PLCE1: variants seen among roughly 807,000 people sequenced by gnomAD.
PLCE1 encodes the protein 1-phosphatidylinositol 4,5-bisphosphate phosphodiesterase epsilon-1.
A neutral mutation model predicts 242.8 loss-of-function variants in PLCE1; 119 were observed. That is an observed-to-expected ratio of 0.49 (90% CI 0.42 to 0.57). The LOEUF is 0.57. Ranked by LOEUF, PLCE1 falls within the 20% of genes least tolerant of loss-of-function variation. The probability of loss-of-function intolerance (pLI) is 0.00; values close to 1 mark genes in which losing one functional copy is unlikely to be tolerated. For synonymous variants in PLCE1, 945 were observed against 1,017.4 expected (o/e 0.93, Z 1.35); for missense variants, 2,441 against 2,788.8 (o/e 0.88, Z 2.81).
At chr10:94,066,373 G>A (rs1177290787) in intron 2 of PLCE1, among the ~76,000 whole-genome samples, 2 of 152,090 alleles carry the variant, frequency 1.3e-5, no homozygotes, top group African/African-American at 4.8e-5. Flanking sequence ...AATATTTGTG[G>A]CTGTTGGAAT....
At chr10:94,038,455 A>G (rs1388296835) in intron 2 of PLCE1, among the ~76,000 whole-genome samples, 1 of 152,174 alleles carries the variant, frequency 6.6e-6, no homozygotes, top group African/African-American at 2.4e-5. Context: ...TAGGTCTTCT[A>G]GAGCTCAGGC....
At chr10:94,049,942 T>C (rs1296102202) in intron 2 of PLCE1, among the ~76,000 whole-genome samples, 2 of 152,224 alleles carry the variant, frequency 1.3e-5, no homozygotes, top group African/African-American at 2.4e-5. Context: ...GATGTAGTTA[T>C]AGTTTGTACA....
At chr10:94,011,873 C>A (rs570532101) in intron 1 of PLCE1, among the ~76,000 whole-genome samples, 1 of 152,046 alleles carries the variant, frequency 6.6e-6, no homozygotes, top group Non-Finnish European at 1.5e-5. Flanking sequence ...CTCTGGTTTT[C>A]CGCCTTTCAT....
intron 2 of PLCE1, among the ~76,000 whole-genome samples, chr10:94,095,535 T>A (rs1200164330): frequency 1.3e-5 from 2 of 152,000 alleles, no homozygotes; most frequent in Non-Finnish European, 2.9e-5. Context: ...TTTTGTAATT[T>A]TTGTAGAAAT....
rs2048068316 is a variant in PLCE1, at chr10:94,174,397, AG to A, written c.1809+2903del. ...AGAATACTACAGTAATAACTGTTGC[AG>A]GCAAGAACTACTGATGAATTCTAAA... On this transcript the variant is annotated intron_variant, in intron 4 of 32. Coordinates refer to ENST00000371380, the MANE Select transcript of PLCE1 (RefSeq NM_016341.4). Among the ~76,000 whole-genome samples the A allele has an allele frequency of 2.0e-5, 3 of 152,214 alleles. No homozygotes were observed. In the South Asian group the frequency reaches 6.2e-4, roughly 32 times the overall value.
At chr10:94,215,018 A>G (rs2049472319) in intron 4 of PLCE1, among the ~76,000 whole-genome samples, 1 of 152,008 alleles carries the variant, frequency 6.6e-6, no homozygotes, top group South Asian at 2.1e-4. Context: ...CCACACTCTC[A>G]CCCTCTGCTG....
At chr10:94,240,417 A>G (rs979657043) in intron 7 of PLCE1, among the ~76,000 whole-genome samples, 1 of 152,174 alleles carries the variant, frequency 6.6e-6, no homozygotes, top group Non-Finnish European at 1.5e-5. Flanking sequence ...CTACTCACAT[A>G]TAATAAGAGA....
At chr10:94,305,461 T>C (rs761108504) in intron 25 of PLCE1, among the ~76,000 whole-genome samples, 1 of 152,068 alleles carries the variant, frequency 6.6e-6, no homozygotes, top group Non-Finnish European at 1.5e-5. Flanking sequence ...AACAGAGACC[T>C]GGTCATCTCT....
chr10:94,222,957 C>A (rs2049805006), intron 4 of PLCE1, among the ~76,000 whole-genome samples: 1 of 152,018 alleles, frequency 6.6e-6, no homozygotes, highest in Non-Finnish European at 1.5e-5. Context: ...ACAGGCACGT[C>A]CCCTCCACCC....
chr10:94,293,316 A>G (rs1363317730), intron 22 of PLCE1, among the ~76,000 whole-genome samples, 192 bp from the exon 23 acceptor site: 4 of 152,162 alleles, frequency 2.6e-5, no homozygotes, highest in Non-Finnish European at 4.4e-5. Context: ...GCATTTGCCT[A>G]TAGAGATTTT....
At chr10:94,222,520 G>A (rs2049789172) in intron 4 of PLCE1, among the ~76,000 whole-genome samples, 2 of 152,314 alleles carry the variant, frequency 1.3e-5, no homozygotes, top group South Asian at 2.1e-4. Flanking sequence ...GTGATGTGGG[G>A]GCACCACAGA....
chr10:94,278,716 T>C (rs1246639152), intron 19 of PLCE1, among the ~76,000 whole-genome samples: 1 of 152,138 alleles, frequency 6.6e-6, no homozygotes, highest in African/African-American at 2.4e-5. Context: ...TAACATTTAA[T>C]ATCTAGGACT....
chr10:94,118,379 C>T (rs1300395281), intron 2 of PLCE1, among the ~76,000 whole-genome samples: 7 of 152,138 alleles, frequency 4.6e-5, no homozygotes, highest in African/African-American at 1.7e-4. Flanking sequence ...CACTCAACCT[C>T]TCAGGATAAT....
At chr10:94,003,888 C>G (rs2060983170) in intron 1 of PLCE1, among the ~76,000 whole-genome samples, 2 of 152,310 alleles carry the variant, frequency 1.3e-5, no homozygotes, top group South Asian at 4.1e-4. Context: ...TGGCTCATGC[C>G]TGTAATCCCA....
intron 2 of PLCE1, among the ~76,000 whole-genome samples, chr10:94,048,997 C>T (rs1177062975): frequency 6.6e-6 from 1 of 151,982 alleles, no homozygotes; most frequent in African/African-American, 2.4e-5. Flanking sequence ...CTCCTGAGCT[C>T]AAGCTATGCT....
chr10:94,308,772 G>A, intron 27 of PLCE1, 73 bp downstream of exon 27: 2 of 954,724 alleles, frequency 2.1e-6, no homozygotes, highest in African/African-American at 1.6e-5. Flanking sequence ...TTGTGGCCCA[G>A]CAAAGTGGTC....
chr10:94,000,395 C>T (rs555991775), intron 1 of PLCE1, among the ~76,000 whole-genome samples: 71 of 152,306 alleles, frequency 4.7e-4, no homozygotes, highest in African/African-American at 1.7e-3. Flanking sequence ...TCCTCATCTA[C>T]ATTATAGAGG....
intron 22 of PLCE1, among the ~76,000 whole-genome samples, chr10:94,292,336 C>T (rs1347070368): frequency 6.6e-6 from 1 of 152,150 alleles, no homozygotes; most frequent in African/African-American, 2.4e-5. Context: ...TGTTTGAACG[C>T]TGACATGATA....
At chr10:94,276,047 G>A (rs1311792052) in intron 19 of PLCE1, among the ~76,000 whole-genome samples, 1 of 152,120 alleles carries the variant, frequency 6.6e-6, no homozygotes, top group South Asian at 2.1e-4. Context: ...GTCCTACAAA[G>A]TTCTTTGTGA....
Sources: allele counts gnomAD v4.1 joint callset (sites outside exome capture counted in the v4.1 genomes callset), GRCh38; gene constraint gnomAD v4.1.1; transcripts MANE v1.5; gene names NCBI Gene and HGNC (gene_info 2026-07-23, HGNC 2026-07-21).